ANO4: variants seen among roughly 807,000 people sequenced by gnomAD.
The protein encoded by ANO4 is anoctamin 4.
A neutral mutation model predicts 141.9 loss-of-function variants in ANO4; 69 were observed. The observed-to-expected ratio is 0.49, with a 90% CI of 0.40 to 0.59. ANO4 has a LOEUF of 0.59. Among genes scored for constraint, ANO4 ranks in the 20% least tolerant of loss-of-function variants. The pLI, the probability that ANO4 is intolerant of heterozygous loss-of-function variation, is 0.00. For synonymous variants in ANO4, 350 were observed against 394.3 expected, an observed-to-expected ratio of 0.89 and a Z score of 1.33; for missense variants, 894 against 1,162.2, an observed-to-expected ratio of 0.77 and a Z score of 3.36.
chr12:100,866,948 C>T (rs1333294161), intron 1 of ANO4, among the ~76,000 whole-genome samples: 1 of 152,314 alleles, frequency 6.6e-6, no homozygotes, highest in South Asian at 2.1e-4. Flanking sequence ...CCTCTCCTAG[C>T]TCCCACTGTA....
chr12:101,096,545 G>A lies in ANO4; in HGVS notation c.1748G>A (p.Arg583His), dbSNP rs767411991. ...CACCTTTTGTCCACAGAACAGCCTC[G>A]CACAGAGTCTGAGTGGGAGAACAGC... is the stretch of plus-strand genomic sequence containing the variant. ...ALLLTNLEQP[R>H]TESEWENSFT... Residue 583 changes from arginine (R) to histidine (H), a missense_variant, in exon 19 of 28, where the codon CGC becomes CAC. Physicochemically the swap from Arg to His is conservative, Grantham distance 29. This residue lies in a region of ANO4 where 637 missense variants were observed against 909.2 expected (regional missense o/e 0.70). Coordinates refer to ENST00000392977, the MANE Select transcript of ANO4 (RefSeq NM_001286615.2). 3.7e-6 allele frequency: 6 copies of A among 1,613,046 alleles called. No homozygotes were observed. The highest frequency in any genetic ancestry group is 5.1e-6 in the Non-Finnish European group (6 of 1,179,320).
At chr12:100,740,240 A>T in intron 3 of ANO4, 1 of 611,174 alleles carries the variant, frequency 1.6e-6, no homozygotes. Context: ...CTCTATGTTC[A>T]TACTGGCTTT....
Position 100,827,558 on chromosome 12 carries a change from A to G in ANO4, c.-141+32531A>G, listed in dbSNP as rs375494407. Among the ~76,000 whole-genome samples the G allele has an allele frequency of 2.7e-4, 41 of 152,086 alleles. No homozygotes were observed. In the East Asian group the frequency reaches 3.5e-3, roughly 13 times the overall value. On this transcript the variant is annotated intron_variant, in intron 1 of 27. Transcript: ENST00000392977. ...GCTATGCCTAGAATAATGCCTGCAT[A>G]GTAGGAGCTCAATAAATATCTGTCA...
chr12:100,849,055 A>T (rs933698089), intron 1 of ANO4, among the ~76,000 whole-genome samples: 1 of 152,236 alleles, frequency 6.6e-6, no homozygotes, highest in Non-Finnish European at 1.5e-5. Flanking sequence ...ACGTGTTAGC[A>T]TGTGGAGAGC....
intron 1 of ANO4, among the ~76,000 whole-genome samples, chr12:100,843,847 T>C (rs1189463922): frequency 6.6e-6 from 1 of 152,184 alleles, no homozygotes; most frequent in Non-Finnish European, 1.5e-5. Context: ...TTGTTCATGT[T>C]GAAAAACTGA....
intron 22 of ANO4, among the ~76,000 whole-genome samples, chr12:101,103,392 C>T (rs2050289469): frequency 6.6e-6 from 1 of 150,522 alleles, no homozygotes; most frequent in East Asian, 1.9e-4. Context: ...TTTATTATTT[C>T]CTTAAAGAAG....
chr12:100,783,987 AAC>A, intron 3 of ANO4, among the ~76,000 whole-genome samples: 1 of 1,884 alleles, frequency 5.3e-4, no homozygotes, highest in Non-Finnish European at 9.0e-4. Context: ...AGTGTGGAAG[AAC>A]ACACTCCATG....
chr12:100,904,143 A>G (rs1224548732), intron 2 of ANO4, among the ~76,000 whole-genome samples: 1 of 152,182 alleles, frequency 6.6e-6, no homozygotes, highest in African/African-American at 2.4e-5. Flanking sequence ...AGGACCGAAC[A>G]AAACCTTCAT....
chr12:101,118,669 C>T (rs1481507979), intron 25 of ANO4, among the ~76,000 whole-genome samples: 1 of 152,120 alleles, frequency 6.6e-6, no homozygotes, highest in East Asian at 1.9e-4. Flanking sequence ...CCAACTTTTA[C>T]CCAAAGGGAA....
intron 14 of ANO4, among the ~76,000 whole-genome samples, chr12:101,061,197 GA>G (rs1453294517): frequency 3.9e-5 from 6 of 152,146 alleles, no homozygotes; most frequent in Non-Finnish European, 5.9e-5. Context: ...TAAGAATGTT[GA>G]ATATTGGCCC....
intron 1 of ANO4, among the ~76,000 whole-genome samples, chr12:100,843,037 C>T (rs1483168586): frequency 1.3e-5 from 2 of 152,124 alleles, no homozygotes; most frequent in African/African-American, 4.8e-5. Flanking sequence ...CTTCCAGTGA[C>T]TTCTTCTTCT....
intron 9 of ANO4, among the ~76,000 whole-genome samples, chr12:101,036,058 A>T (rs151024064): frequency 6.6e-6 from 1 of 152,308 alleles, no homozygotes; most frequent in East Asian, 1.9e-4. Context: ...CTGAATAGAC[A>T]TTTTTCCATA....
At chr12:100,996,884 G>A (rs2045399471) in intron 8 of ANO4, among the ~76,000 whole-genome samples, 1 of 138,918 alleles carries the variant, frequency 7.2e-6, no homozygotes, top group Non-Finnish European at 1.6e-5. Context: ...CAATAAAAAT[G>A]ATAGCAACCA....
At chr12:100,811,235 C>T (rs1055037083) in intron 1 of ANO4, among the ~76,000 whole-genome samples, 3 of 152,096 alleles carry the variant, frequency 2.0e-5, no homozygotes, top group African/African-American at 7.2e-5. Context: ...TAAATTACCT[C>T]ACATATCCAA....
At chr12:101,097,586 A>G in intron 19 of ANO4, 65 bp from the exon 20 acceptor site, 1 of 1,467,650 alleles carries the variant, frequency 6.8e-7, no homozygotes, top group Non-Finnish European at 9.5e-7. Context: ...GCTAAACTAA[A>G]TGTAATATTC....
intron 3 of ANO4, among the ~76,000 whole-genome samples, chr12:100,740,954 A>G (rs2031838744): frequency 6.6e-6 from 1 of 152,164 alleles, no homozygotes; most frequent in African/African-American, 2.4e-5. Context: ...CTGGCCCTTT[A>G]TAGAAAATGT....
intron 5 of ANO4, among the ~76,000 whole-genome samples, chr12:100,965,718 TC>T (rs776875299): frequency 1.3e-5 from 2 of 151,828 alleles, no homozygotes; most frequent in Admixed American, 1.3e-4. Flanking sequence ...ACTTGACTCT[TC>T]CTATGCCTAA....
At chr12:101,044,559 C>T (rs75576383) in intron 13 of ANO4, among the ~76,000 whole-genome samples, 3,334 of 152,238 alleles carry the variant, frequency 0.022, 123 homozygotes, top group African/African-American at 0.076. Flanking sequence ...AGATTTTATC[C>T]AGCTTTTGTA....
At chr12:100,859,524 A>G (rs999006591) in intron 1 of ANO4, among the ~76,000 whole-genome samples, 2 of 152,194 alleles carry the variant, frequency 1.3e-5, no homozygotes, top group African/African-American at 4.8e-5. Flanking sequence ...CAGTTTTAGC[A>G]TGTATAATCT....
Sources: gnomAD v4.1 joint callset for allele counts (sites outside exome capture counted in the v4.1 genomes callset) on GRCh38, gnomAD v4.1.1 for gene constraint, gnomAD v4.1.1 regional missense constraint, MANE v1.5 for transcripts, NCBI Gene and HGNC (gene_info 2026-07-23, HGNC 2026-07-21) for gene names.